Variants in SMYD1 observed in about 807,000 individuals in gnomAD.
SMYD1 encodes the protein SET and MYND domain containing 1, also known as histone-lysine N-methyltransferase SMYD1.
In SMYD1, 49 loss-of-function variants were observed where a neutral mutation model predicts 54.0. The observed-to-expected ratio is 0.91, with a 90% confidence interval of 0.72 to 1.15. The LOEUF (loss-of-function observed/expected upper bound fraction) is 1.15, where lower values mean the gene tolerates loss of function less well. Among genes scored for constraint, SMYD1 ranks in the 50% most tolerant of loss-of-function variants. SMYD1 has a pLI of 0.00. For synonymous variants in SMYD1, 269 were observed against 234.2 expected (o/e 1.15, Z -1.36); for missense variants, 653 against 639.6 (o/e 1.02, Z -0.23).
intron 5 of SMYD1, among the ~76,000 whole-genome samples, chr2:88,094,733 A>T (rs556028107): frequency 6.6e-6 from 1 of 152,326 alleles, no homozygotes; most frequent in South Asian, 2.1e-4. Flanking sequence ...GGGAAGTAAA[A>T]TTACTGGAAA....
chr2:88,107,737 C>T (rs541322233), intron 8 of SMYD1, among the ~76,000 whole-genome samples: 295 of 152,336 alleles, frequency 1.9e-3, no homozygotes, highest in African/African-American at 6.9e-3. Flanking sequence ...TAGGACCCTC[C>T]GAGCGAGGCG....
At position 88,109,612 on chromosome 2, in the gene SMYD1, CTT is replaced by C. The variant is rs372634234; in HGVS notation, c.1315-740_1315-739del. ...GTACAGTCTAGGGAAGGTGGACAGA[CTT>C]TGGTGTTATAAAATGTAGGATGACT... is the stretch of plus-strand genomic sequence containing the variant. On this transcript the variant is annotated intron_variant, in intron 9 of 9. Coordinates refer to ENST00000419482, the MANE Select transcript of SMYD1 (RefSeq NM_198274.4). Among the ~76,000 whole-genome samples the C allele has an allele frequency of 9.9e-4, 151 of 152,238 alleles. 1 individual carries two copies. The highest frequency in any genetic ancestry group is 3.4e-3 in the African/African-American group (143 of 41,538).
At chr2:88,068,902 A>G (rs1376602529) in intron 1 of SMYD1, among the ~76,000 whole-genome samples, 3 of 152,154 alleles carry the variant, frequency 2.0e-5, no homozygotes, top group Non-Finnish European at 2.9e-5. Flanking sequence ...TTTTCATGAA[A>G]TAAAATGAAA....
At chr2:88,105,934 G>T (rs1393160588) in intron 7 of SMYD1, among the ~76,000 whole-genome samples, 3 of 144,006 alleles carry the variant, frequency 2.1e-5, no homozygotes, top group Non-Finnish European at 4.5e-5. Context: ...TGAGACTCTT[G>T]TCTCGAAATA....
rs1573112063 is a variant in SMYD1, at chr2:88,090,974, G to A, written c.529-38G>A. The A allele has an allele frequency of 4.4e-6, 7 of 1,598,412 alleles. No individual in the cohort carries two copies. In the East Asian group the frequency reaches 1.6e-4, roughly 36 times the overall value. ...ACAGCTAGGATGTTGTTCTGTCCAT[G>A]TCTGTCGACTGACTCTTTCATCTTT... On this transcript the variant is annotated intron_variant, in intron 3 of 9. Coordinates refer to ENST00000419482, the MANE Select transcript of SMYD1 (RefSeq NM_198274.4).
chr2:88,074,569 A>G (rs1199687349), intron 1 of SMYD1, among the ~76,000 whole-genome samples: 3 of 152,354 alleles, frequency 2.0e-5, no homozygotes, highest in Non-Finnish European at 4.4e-5. Context: ...GCTATTATTC[A>G]GTCTACCCCA....
intron 7 of SMYD1, among the ~76,000 whole-genome samples, chr2:88,106,105 C>T (rs1239619255): frequency 6.6e-6 from 1 of 152,128 alleles, no homozygotes; most frequent in Non-Finnish European, 1.5e-5. Context: ...CGCTGTGCTG[C>T]ATCTGCCATG....
At position 88,110,631 on chromosome 2, in the gene SMYD1, G is replaced by A. The variant is rs931720470; in HGVS notation, c.*119G>A. ...TGAGGTAATGCTTAACATTGTTGCT[G>A]TGAGAATTTACTGCCCTATGTTTCC... On this transcript the variant is annotated 3_prime_UTR_variant, in exon 10 of 10. Coordinates refer to ENST00000419482, the MANE Select transcript of SMYD1 (RefSeq NM_198274.4). 2.3e-6 allele frequency: 3 copies of A among 1,300,476 alleles called. No homozygotes were observed. The highest frequency in any genetic ancestry group is 1.7e-5 in the South Asian group (1 of 58,590). 80.6% of individuals were successfully genotyped at this position (1,300,476 alleles called of 1,614,324 possible).
intron 3 of SMYD1, 83 bp from the exon 4 acceptor site, chr2:88,090,929 G>T (rs1674446429): frequency 2.0e-6 from 3 of 1,498,898 alleles, no homozygotes; most frequent in East Asian, 4.6e-5. Flanking sequence ...TGGGTCTTCT[G>T]TTTTTTAAAA....
chr2:88,070,714 C>T (rs1040701641), intron 1 of SMYD1, among the ~76,000 whole-genome samples: 14 of 151,840 alleles, frequency 9.2e-5, no homozygotes, highest in East Asian at 3.9e-4. Flanking sequence ...GAGAACCAGG[C>T]GGGCGGATCA....
intron 1 of SMYD1, among the ~76,000 whole-genome samples, chr2:88,070,198 G>C (rs80286567): frequency 2.6e-5 from 4 of 152,074 alleles, no homozygotes; most frequent in African/African-American, 9.7e-5. Flanking sequence ...GGTTATACCA[G>C]AGACAGCCCA....
intron 1 of SMYD1, among the ~76,000 whole-genome samples, chr2:88,083,644 T>C (rs1401427575): frequency 2.6e-5 from 4 of 152,252 alleles, no homozygotes; most frequent in Non-Finnish European, 5.9e-5. Context: ...GTGTTCTGAA[T>C]AACACTAGTT....
intron 6 of SMYD1, among the ~76,000 whole-genome samples, chr2:88,100,327 C>G (rs779786235): frequency 1.8e-4 from 27 of 152,200 alleles, no homozygotes; most frequent in Non-Finnish European, 1.8e-4. Context: ...TCCAGAGCTT[C>G]AAGTGACACT....
intron 9 of SMYD1, among the ~76,000 whole-genome samples, chr2:88,109,772 A>G (rs1228167737): frequency 6.6e-6 from 1 of 152,204 alleles, no homozygotes; most frequent in Non-Finnish European, 1.5e-5. Flanking sequence ...TGAGGGGCAG[A>G]GAAGCGGACT....
Position 88,110,906 on chromosome 2 carries a change from T to C in SMYD1, c.*394T>C, listed in dbSNP as rs571540115. 246 of 166,624 alleles carry C rather than the reference T, an allele frequency of 1.5e-3. 1 individual carries two copies. The highest frequency in any genetic ancestry group is 5.6e-3 in the African/African-American group (235 of 41,782). 10.3% of individuals were successfully genotyped at this position (166,624 alleles called of 1,614,324 possible). On this transcript the variant is annotated 3_prime_UTR_variant, in exon 10 of 10. Coordinates refer to ENST00000419482, the MANE Select transcript of SMYD1 (RefSeq NM_198274.4). ...GTGTCTGGTGTGTGATGTGTGTGTGTGCAGTGGGGGTATCACAGAGAGTAT... is the reference window on the plus strand; with the variant it reads ...GTGTCTGGTGTGTGATGTGTGTGTGCGCAGTGGGGGTATCACAGAGAGTAT...
chr2:88,076,395 G>A (rs1674064347), intron 1 of SMYD1, among the ~76,000 whole-genome samples: 1 of 152,014 alleles, frequency 6.6e-6, no homozygotes, highest in South Asian at 2.1e-4. Flanking sequence ...TTTTTTGTTT[G>A]TTTGTTTTTA....
chr2:88,089,585 G>GTTTT (rs59808789), intron 3 of SMYD1, among the ~76,000 whole-genome samples: 134 of 106,924 alleles, frequency 1.3e-3, no homozygotes, highest in East Asian at 0.01. Flanking sequence ...GCTTCTACCT[G>GTTTT]TTTTTTTTTT....
chr2:88,096,554 G>A (rs1331243357), intron 5 of SMYD1, 41 bp from the exon 6 acceptor site: 5 of 1,537,826 alleles, frequency 3.3e-6, no homozygotes, highest in African/African-American at 1.4e-5. Context: ...CATTCCAGTA[G>A]GCCTGGATTC....
intron 6 of SMYD1, among the ~76,000 whole-genome samples, chr2:88,098,443 G>T (rs1044611265): frequency 1.6e-4 from 24 of 152,190 alleles, no homozygotes; most frequent in African/African-American, 4.8e-4. Flanking sequence ...TGATATAAAA[G>T]ATTGATGATT....
Sources: gnomAD v4.1 joint callset for allele counts (sites outside exome capture counted in the v4.1 genomes callset) on GRCh38, gnomAD v4.1.1 for gene constraint, MANE v1.5 for transcripts, NCBI Gene and HGNC (gene_info 2026-07-23, HGNC 2026-07-21) for gene names.